The following DOCK1 variants were observed in gnomAD, a reference collection of about 807,000 sequenced individuals.
The protein encoded by DOCK1 is dedicator of cytokinesis protein 1.
In DOCK1, 138 loss-of-function variants were observed where a neutral mutation model predicts 262.7. That is an observed-to-expected ratio of 0.53 (90% CI 0.46 to 0.61). The LOEUF is 0.61. Among genes scored for constraint, DOCK1 ranks in the 20% least tolerant of loss-of-function variants. The pLI, the probability that DOCK1 is intolerant of heterozygous loss-of-function variation, is 0.00. For missense variants in DOCK1, 1,908 were observed against 2,370.7 expected (o/e 0.80, Z 4.05); for synonymous variants, 866 against 867.4 (o/e 1.00, Z 0.03).
chr10:127,281,721 ACT>A (rs1282911966), intron 29 of DOCK1, among the ~76,000 whole-genome samples: 2 of 152,110 alleles, frequency 1.3e-5, no homozygotes, highest in African/African-American at 4.8e-5. Context: ...GTGCTCATGG[ACT>A]CTGATCTCAC....
chr10:127,385,608 C>G (rs1319754763), intron 38 of DOCK1, among the ~76,000 whole-genome samples: 2 of 152,146 alleles, frequency 1.3e-5, no homozygotes, highest in Non-Finnish European at 2.9e-5. Flanking sequence ...CGTTCACATC[C>G]TAGGGCTGCT....
intron 29 of DOCK1, among the ~76,000 whole-genome samples, chr10:127,336,790 T>C (rs879620194): frequency 2.8e-4 from 42 of 152,232 alleles, no homozygotes; most frequent in South Asian, 8.3e-4. Flanking sequence ...TCACCCACCT[T>C]GGCCTCCCAA....
chr10:127,224,540 C>T (rs1415385033), intron 27 of DOCK1, among the ~76,000 whole-genome samples: 1 of 148,006 alleles, frequency 6.8e-6, no homozygotes, highest in Non-Finnish European at 1.5e-5. Flanking sequence ...GCCTAGGTGA[C>T]AAAACAAGAC....
At chr10:126,945,205 G>GTA (rs1365602776) in intron 1 of DOCK1, among the ~76,000 whole-genome samples, 3 of 152,118 alleles carry the variant, frequency 2.0e-5, no homozygotes, top group Non-Finnish European at 4.4e-5. Context: ...CTGAAGGGCT[G>GTA]TATTTAAGGT....
At chr10:127,140,007 C>T (rs1012760260) in intron 27 of DOCK1, among the ~76,000 whole-genome samples, 12 of 152,242 alleles carry the variant, frequency 7.9e-5, no homozygotes, top group South Asian at 2.1e-4. Context: ...TGTGAATATA[C>T]GGTATGTTAG....
rs1022537088 is a variant in DOCK1, at chr10:127,447,269, G to A, written c.5414-125G>A. On this transcript the variant is annotated intron_variant, in intron 50 of 51. Transcript: ENST00000623213. The stretch of plus-strand genomic sequence containing the variant: ...GCCCTCATCTGCTCTGTTGACAAAC[G>A]TTTTCTGCCAGATGAAGTGTTTCTG... 3.1e-5 allele frequency: 43 copies of A among 1,407,554 alleles called. No individual in the cohort carries two copies. In the African/African-American group the frequency reaches 3.5e-4, roughly 11 times the overall value. 87.2% of individuals were successfully genotyped at this position (1,407,554 alleles called of 1,614,324 possible).
chr10:127,336,419 A>C (rs2063193691), intron 29 of DOCK1, among the ~76,000 whole-genome samples: 1 of 152,130 alleles, frequency 6.6e-6, no homozygotes, highest in Admixed American at 6.5e-5. Context: ...GCATTTAAAA[A>C]AATTTATAGG....
chr10:127,299,265 A>AT lies in DOCK1; in HGVS notation c.3045-39734dup, dbSNP rs560747784. On this transcript the variant is annotated intron_variant, in intron 29 of 51. Transcript: ENST00000623213. ...AGGCATGCGCCACCACACCTGGCTA[A>AT]TTTTTTTGCATGTATTTTGGTAGAT... Among the ~76,000 whole-genome samples the AT allele has an allele frequency of 6.5e-3, 987 of 152,108 alleles. 5 individuals carry two copies. Among genetic ancestry groups the AT allele is most frequent in the African/African-American group, 0.013 (528 of 41,484 alleles).
In DOCK1 at chr10:127,426,028, C is replaced by T. The variant is rs764641618; in HGVS notation, c.4914+17C>T. ...CGAATCATGGTAAGAGGGTAGTATG[C>T]GTAGTGTTGCAGAAGAGTGGGTGTC... On this transcript the variant is annotated intron_variant, in intron 47 of 51. Coordinates refer to ENST00000623213, the MANE Select transcript of DOCK1 (RefSeq NM_001290223.2). The T allele has an allele frequency of 2.9e-5, 47 of 1,613,198 alleles. No homozygotes were observed. The highest frequency in any genetic ancestry group is 6.6e-5 in the South Asian group (6 of 91,040).
chr10:127,287,928 G>A (rs2061218093), intron 29 of DOCK1, among the ~76,000 whole-genome samples: 1 of 152,012 alleles, frequency 6.6e-6, no homozygotes, highest in East Asian at 1.9e-4. Context: ...CTCTAATTAT[G>A]TTATTCTGTC....
chr10:127,047,593 A>G (rs1538786), intron 21 of DOCK1, among the ~76,000 whole-genome samples: 95,397 of 152,030 alleles, frequency 0.63, 30,512 homozygotes, highest in South Asian at 0.72. Context: ...GTTTTTGTAT[A>G]CCCTTGGAAC....
At chr10:127,276,804 T>C (rs901612874) in intron 29 of DOCK1, among the ~76,000 whole-genome samples, 19 of 136,082 alleles carry the variant, frequency 1.4e-4, no homozygotes, top group African/African-American at 4.0e-4. Context: ...AATTCCTCTA[T>C]TGCAGAATGC....
chr10:127,392,612 A>T (rs7916819), intron 38 of DOCK1, among the ~76,000 whole-genome samples: 439 of 151,768 alleles, frequency 2.9e-3, no homozygotes, highest in African/African-American at 0.01. Context: ...AACAGCACAC[A>T]ATCAAGAAGG....
At chr10:127,107,102 G>C (rs2048576094) in intron 24 of DOCK1, among the ~76,000 whole-genome samples, 1 of 152,004 alleles carries the variant, frequency 6.6e-6, no homozygotes, top group Non-Finnish European at 1.5e-5. Context: ...AATTACCGAC[G>C]TGCGCCACCG....
At chr10:127,215,618 A>T (rs1027695109) in intron 27 of DOCK1, among the ~76,000 whole-genome samples, 3 of 152,160 alleles carry the variant, frequency 2.0e-5, no homozygotes, top group Non-Finnish European at 4.4e-5. Flanking sequence ...GGCTTTGATA[A>T]TGCTTTTTGA....
intron 44 of DOCK1, 82 bp downstream of exon 44, chr10:127,415,320 C>A: frequency 4.3e-6 from 6 of 1,403,052 alleles, no homozygotes; most frequent in Non-Finnish European, 3.9e-6. Flanking sequence ...CTGCTCATGC[C>A]CCGTGGTCAC....
At chr10:127,259,661 G>A (rs978406692) in intron 29 of DOCK1, among the ~76,000 whole-genome samples, 2 of 152,158 alleles carry the variant, frequency 1.3e-5, no homozygotes, top group East Asian at 1.9e-4. Flanking sequence ...TGTGGATTCC[G>A]TGGCCCTGGG....
intron 3 of DOCK1, among the ~76,000 whole-genome samples, chr10:126,978,505 A>G (rs2038714101): frequency 6.6e-6 from 1 of 152,188 alleles, no homozygotes; most frequent in African/African-American, 2.4e-5. Flanking sequence ...AAACTAAGAC[A>G]TGTAATTACA....
intron 27 of DOCK1, among the ~76,000 whole-genome samples, chr10:127,186,397 C>T (rs1028859459): frequency 5.3e-5 from 8 of 151,510 alleles, no homozygotes; most frequent in African/African-American, 1.2e-4. Context: ...CATGGTGGTG[C>T]GTGCCTGTAA....
Sources: gnomAD v4.1 joint callset for allele counts (sites outside exome capture counted in the v4.1 genomes callset) on GRCh38, gnomAD v4.1.1 for gene constraint, MANE v1.5 for transcripts, NCBI Gene and HGNC (gene_info 2026-07-23, HGNC 2026-07-21) for gene names.